Variants in SORL1 observed in about 807,000 individuals in gnomAD.
The protein encoded by SORL1 is sortilin-related receptor.
A neutral mutation model predicts 273.7 loss-of-function variants in SORL1; 127 were observed. That is an observed-to-expected ratio of 0.46 (90% CI 0.40 to 0.54). SORL1 has a LOEUF of 0.54. Among genes scored for constraint, SORL1 ranks in the 20% least tolerant of loss-of-function variants. The pLI, the probability that SORL1 is intolerant of heterozygous loss-of-function variation, is 0.00. For missense variants in SORL1, 2,494 were observed against 2,846.1 expected, an observed-to-expected ratio of 0.88 and a Z score of 2.81; for synonymous variants, 1,031 against 1,067.4, an observed-to-expected ratio of 0.97 and a Z score of 0.66.
intron 40 of SORL1, 140 bp from the exon 41 acceptor site, chr11:121,614,731 C>T (rs931353691): frequency 4.5e-6 from 3 of 669,472 alleles, no homozygotes; most frequent in Admixed American, 5.5e-5. Flanking sequence ...AATTTGTCAT[C>T]TAATGACAGT....
Position 121,627,534 on chromosome 11 carries a change from G to T in SORL1, c.6365-21G>T, listed in dbSNP as rs1401515794. On this transcript the variant is annotated intron_variant, in intron 46 of 47. Coordinates refer to ENST00000260197, the MANE Select transcript of SORL1 (RefSeq NM_003105.6). This position sits in a 1 kb window ranked among gnomAD's most constrained non-coding sequence, Gnocchi z 4.9. ...CTCCTGCCCTCAGGTGGGCTTATTG[G>T]TGGGAACTTTGCCTTGGCAGGTGCA... is the stretch of plus-strand genomic sequence containing the variant. 6.2e-7 allele frequency: 1 copy of T among 1,610,170 alleles called. No individual in the cohort carries two copies. Among genetic ancestry groups the T allele is most frequent in the Admixed American group, 1.7e-5 (1 of 60,020 alleles).
At chr11:121,619,963 G>A (rs1863698713) in intron 43 of SORL1, 46 bp downstream of exon 43, 1 of 1,387,280 alleles carries the variant, frequency 7.2e-7, no homozygotes, top group Non-Finnish European at 1.0e-6. Flanking sequence ...TCCTGGCCTG[G>A]TTAGGGTGGG....
intron 35 of SORL1, among the ~76,000 whole-genome samples, chr11:121,605,861 C>T (rs1238742901): frequency 6.6e-6 from 1 of 152,152 alleles, no homozygotes; most frequent in East Asian, 1.9e-4. Context: ...TTTCCTAGTA[C>T]TTGGTACTTA....
At chr11:121,471,556 G>A (rs1286117808) in intron 2 of SORL1, among the ~76,000 whole-genome samples, 2 of 152,188 alleles carry the variant, frequency 1.3e-5, no homozygotes, top group Non-Finnish European at 2.9e-5. Flanking sequence ...TACAGCTTCG[G>A]TCACCCTGCA....
chr11:121,485,213 G>A (rs558676760), intron 3 of SORL1, among the ~76,000 whole-genome samples: 22 of 152,272 alleles, frequency 1.4e-4, no homozygotes, highest in African/African-American at 5.1e-4. Flanking sequence ...ATCAGGGGCT[G>A]GGGATGGAGA....
At chr11:121,609,043 G>A (rs979110141) in intron 38 of SORL1, 3 of 152,246 alleles carry the variant, frequency 2.0e-5, no homozygotes, top group Non-Finnish European at 4.4e-5. Flanking sequence ...GCAGTTAAAT[G>A]AAGGGTTCTG....
chr11:121,590,966 A>T, intron 30 of SORL1, 35 bp from the exon 31 acceptor site: 1 of 1,613,784 alleles, frequency 6.2e-7, no homozygotes, highest in Non-Finnish European at 8.5e-7. Flanking sequence ...GCTGCTTCTA[A>T]TGTTTTGGGT....
At chr11:121,607,518 G>A (rs1863496943) in intron 37 of SORL1, among the ~76,000 whole-genome samples, 1 of 152,156 alleles carries the variant, frequency 6.6e-6, no homozygotes. Context: ...GGGCGTTTAT[G>A]GGAATGCCGC....
intron 45 of SORL1, among the ~76,000 whole-genome samples, chr11:121,623,745 T>C (rs1227063853): frequency 3.3e-5 from 5 of 152,200 alleles, no homozygotes; most frequent in Non-Finnish European, 7.4e-5. Flanking sequence ...AGCCCGGCTC[T>C]TAGGTTAAGA....
intron 11 of SORL1, among the ~76,000 whole-genome samples, chr11:121,530,574 T>C (rs1039711028): frequency 6.6e-6 from 1 of 152,206 alleles, no homozygotes; most frequent in African/African-American, 2.4e-5. Flanking sequence ...GAGATTTTTT[T>C]TTCATTGGTT....
intron 22 of SORL1, among the ~76,000 whole-genome samples, chr11:121,567,871 A>T (rs1862776141): frequency 1.3e-5 from 2 of 151,994 alleles, no homozygotes; most frequent in Admixed American, 6.6e-5. Flanking sequence ...GCTTTTCCTT[A>T]TCTGTGATTC....
Position 121,459,856 on chromosome 11 carries a change from G to A in SORL1, c.285+7240G>A, listed in dbSNP as rs571083452. On this transcript the variant is annotated intron_variant, in intron 1 of 47. Coordinates refer to ENST00000260197, the MANE Select transcript of SORL1 (RefSeq NM_003105.6). ...TGGCATGAAGACAAACACTACAGGC[G>A]TGTGGTCTTCATCTTTGCATATAAA... is the stretch of plus-strand genomic sequence containing the variant. 2.8e-4 allele frequency among the ~76,000 whole-genome samples: 42 copies of A among 152,284 alleles called. No individual in the cohort carries two copies. The South Asian group carries it at 6.6e-3, about 24-fold the overall frequency.
intron 26 of SORL1, among the ~76,000 whole-genome samples, chr11:121,585,232 C>G (rs1281850460): frequency 6.6e-6 from 1 of 152,070 alleles, no homozygotes; most frequent in Admixed American, 6.5e-5. Context: ...GCCTGTAATC[C>G]CAGCACTTTA....
chr11:121,560,040 C>T (rs1392772985), intron 21 of SORL1, among the ~76,000 whole-genome samples: 1 of 152,214 alleles, frequency 6.6e-6, no homozygotes, highest in South Asian at 2.1e-4. Context: ...TGCTTCCTGA[C>T]AGGGCCTCTT....
At chr11:121,489,088 G>T (rs1201673553) in intron 4 of SORL1, among the ~76,000 whole-genome samples, 2 of 152,142 alleles carry the variant, frequency 1.3e-5, no homozygotes, top group African/African-American at 4.8e-5. Context: ...GCAAAGATCA[G>T]CAGGTTAATT....
chr11:121,543,504 T>TA (rs1862377936), intron 12 of SORL1, 44 bp from the exon 13 acceptor site: 1 of 1,542,052 alleles, frequency 6.5e-7, no homozygotes, highest in Non-Finnish European at 8.9e-7. Context: ...GCCTTTGCCT[T>TA]AGAGACTTTC....
At chr11:121,576,772 G>A (rs961559616) in intron 24 of SORL1, 305 of 1,483,278 alleles carry the variant, frequency 2.1e-4, no homozygotes, top group Non-Finnish European at 2.5e-4. Flanking sequence ...AGAAAGTCCC[G>A]AGTTATGTTT....
rs1439366755 is a variant in SORL1 at position 121,522,723 on chromosome 11, C to G, written c.1522+20C>G. 5.1e-6 allele frequency: 8 copies of G among 1,582,626 alleles called. No homozygotes were observed. Among genetic ancestry groups the G allele is most frequent in the Non-Finnish European group, 6.9e-6 (8 of 1,151,404 alleles). On this transcript the variant is annotated intron_variant, in intron 10 of 47. Coordinates refer to ENST00000260197, the MANE Select transcript of SORL1 (RefSeq NM_003105.6). ...CCACTGGTAAGTGTGCTTGCCTGTT[C>G]TCAAAAGGGGTTCAGCTGTCTGGTG...
At position 121,558,829 on chromosome 11, in the gene SORL1, G is replaced by A. The variant is rs764496931; in HGVS notation, c.2902G>A (p.Val968Ile). 6 of 1,614,032 alleles carry A rather than the reference G, an allele frequency of 3.7e-6. No homozygotes were observed. The highest frequency in any genetic ancestry group is 5.1e-6 in the Non-Finnish European group (6 of 1,180,030). ...DNLPHPYAIA[V>I]FKNEIYWDDW... Reference sequence around the variant, plus strand: ...CCTCCCGCACCCCTATGCCATTGCTGTCTTTAAGGTGAGTCCATTTGTTGC... The same window carrying A: ...CCTCCCGCACCCCTATGCCATTGCTATCTTTAAGGTGAGTCCATTTGTTGC... The change falls in exon 20 of 48, where the codon GTC becomes ATC. Residue 968 changes from valine (V) to isoleucine (I), a missense_variant. By Grantham distance (29) the Val-to-Ile change is conservative (BLOSUM62 3). Around this residue, in one of 3 missense-constraint regions of SORL1, gnomAD observed 1,609 missense variants for 1,816.4 expected, o/e 0.89. Transcript: ENST00000260197.
Sources: allele counts gnomAD v4.1 joint callset (sites outside exome capture counted in the v4.1 genomes callset), GRCh38; gene constraint gnomAD v4.1.1; regional missense constraint gnomAD v4.1.1; non-coding constraint Gnocchi (gnomAD v3.1); transcripts MANE v1.5; gene names NCBI Gene and HGNC (gene_info 2026-07-23, HGNC 2026-07-21).